FAT3: variants seen among roughly 807,000 people sequenced by gnomAD.
FAT3 encodes the protein protocadherin Fat 3.
Under a neutral mutation model 310.2 loss-of-function variants are expected in FAT3, and 95 were observed. The observed-to-expected ratio is 0.31, with a 90% CI of 0.26 to 0.36. The LOEUF is 0.36. FAT3 is among the 10% of genes least tolerant of loss of function. The pLI is 1.00. For synonymous variants in FAT3, 2,314 were observed against 2,192.9 expected (o/e 1.06, Z -1.54); for missense variants, 5,408 against 5,715.6 (o/e 0.95, Z 1.74).
intron 2 of FAT3, among the ~76,000 whole-genome samples, chr11:92,410,152 T>C (rs1475670558): frequency 6.6e-6 from 1 of 151,778 alleles, no homozygotes; most frequent in Non-Finnish European, 1.5e-5. Context: ...TGGTTGGTGA[T>C]TTTTTTTTAA....
intron 1 of FAT3, among the ~76,000 whole-genome samples, chr11:92,305,831 T>A (rs1947103266): frequency 6.6e-6 from 1 of 152,112 alleles, no homozygotes; most frequent in Admixed American, 6.6e-5. Flanking sequence ...TTAGTAGAAA[T>A]GGCATCTAAA....
At chr11:92,485,489 G>T (rs1441897565) in intron 2 of FAT3, among the ~76,000 whole-genome samples, 1 of 151,092 alleles carries the variant, frequency 6.6e-6, no homozygotes, top group African/African-American at 2.4e-5. Context: ...TAATTGGACT[G>T]CATATTGATA....
intron 1 of FAT3, among the ~76,000 whole-genome samples, chr11:92,323,971 G>A (rs777447980): frequency 1.3e-5 from 2 of 152,178 alleles, no homozygotes; most frequent in Non-Finnish European, 2.9e-5. Flanking sequence ...TATAGAGATG[G>A]CTTCTTTTCC....
intron 17 of FAT3, among the ~76,000 whole-genome samples, chr11:92,840,263 G>A (rs1196915396): frequency 2.0e-5 from 3 of 152,202 alleles, no homozygotes; most frequent in Non-Finnish European, 4.4e-5. Context: ...CCAGCACCAT[G>A]CTCGGAACCT....
chr11:92,648,811 A>G (rs1942260445), intron 3 of FAT3, among the ~76,000 whole-genome samples: 2 of 152,206 alleles, frequency 1.3e-5, no homozygotes, highest in Admixed American at 1.3e-4. Flanking sequence ...GGTGCCAGGC[A>G]TGAAGATCCA....
intron 23 of FAT3, among the ~76,000 whole-genome samples, chr11:92,882,359 T>G (rs1188608340): frequency 6.6e-6 from 1 of 152,156 alleles, no homozygotes; most frequent in East Asian, 1.9e-4. Context: ...AATTTTAAAT[T>G]CTGAGATGCA....
chr11:92,430,379 C>A (rs963650244), intron 2 of FAT3, among the ~76,000 whole-genome samples: 1 of 152,092 alleles, frequency 6.6e-6, no homozygotes, highest in South Asian at 2.1e-4. Flanking sequence ...CCCTTGCTGG[C>A]GAGGAGTTGT....
chr11:92,281,129 A>T (rs188331018), intron 1 of FAT3, among the ~76,000 whole-genome samples: 22 of 152,248 alleles, frequency 1.4e-4, no homozygotes, highest in African/African-American at 4.3e-4. Flanking sequence ...ATTGTCAAAA[A>T]TTTTTTGATA....
At chr11:92,474,114 C>T (rs140987347) in intron 2 of FAT3, among the ~76,000 whole-genome samples, 1 of 152,276 alleles carries the variant, frequency 6.6e-6, no homozygotes, top group African/African-American at 2.4e-5. Flanking sequence ...TTCCCTTGCA[C>T]TGCTCCAACA....
intron 1 of FAT3, among the ~76,000 whole-genome samples, chr11:92,268,727 A>G (rs111890165): frequency 5.5e-4 from 83 of 152,254 alleles, no homozygotes; most frequent in Non-Finnish European, 1.1e-3. Flanking sequence ...CCAGGCATTC[A>G]TGGAGATTGA....
chr11:92,506,784 A>G (rs1048493544), intron 2 of FAT3, among the ~76,000 whole-genome samples: 10 of 152,160 alleles, frequency 6.6e-5, no homozygotes, highest in Non-Finnish European at 5.9e-5. Context: ...GCAAATCTCA[A>G]TAATTTGTTC....
intron 9 of FAT3, among the ~76,000 whole-genome samples, chr11:92,796,622 A>T (rs1022450405): frequency 6.6e-6 from 1 of 152,184 alleles, no homozygotes; most frequent in Non-Finnish European, 1.5e-5. Context: ...AATAACCAAG[A>T]TCTTTAACTT....
At chr11:92,447,109 T>G (rs561132580) in intron 2 of FAT3, among the ~76,000 whole-genome samples, 2 of 151,918 alleles carry the variant, frequency 1.3e-5, no homozygotes, top group African/African-American at 4.8e-5. Flanking sequence ...TAATTGTTAT[T>G]AAATATCCTC....
intron 2 of FAT3, among the ~76,000 whole-genome samples, chr11:92,497,972 C>A (rs1386524700): frequency 6.6e-6 from 1 of 151,976 alleles, no homozygotes; most frequent in Non-Finnish European, 1.5e-5. Flanking sequence ...CTTTGTTGTT[C>A]CAAATTCACA....
chr11:92,803,128 G>GAA (rs11420322), intron 10 of FAT3, among the ~76,000 whole-genome samples: 30 of 150,690 alleles, frequency 2.0e-4, no homozygotes, highest in Non-Finnish European at 3.0e-4. Context: ...TTATTTTCAG[G>GAA]AAAAAAAAAG....
intron 1 of FAT3, among the ~76,000 whole-genome samples, chr11:92,324,694 A>G (rs182537979): frequency 3.9e-5 from 6 of 152,346 alleles, no homozygotes; most frequent in South Asian, 2.1e-4. Context: ...TGTTGGAAAA[A>G]TGGCGCCGAT....
Position 92,746,129 on chromosome 11 carries a change from G to C in FAT3, c.3670-15727G>C, listed in dbSNP as rs114699565. 9.3e-3 allele frequency among the ~76,000 whole-genome samples: 1,413 copies of C among 152,316 alleles called. 22 individuals carry two copies. Among genetic ancestry groups the C allele is most frequent in the African/African-American group, 0.031 (1,304 of 41,576 alleles). ...AAAAGCACAACTTTTTAGGCAAAAT[G>C]TAAGTTATTAAAGGCAGTTCAGAGA... On this transcript the variant is annotated intron_variant, in intron 4 of 27. Transcript: ENST00000525166.
At chr11:92,790,971 G>A (rs1947026700) in intron 8 of FAT3, among the ~76,000 whole-genome samples, 3 of 152,156 alleles carry the variant, frequency 2.0e-5, no homozygotes, top group Non-Finnish European at 2.9e-5. Flanking sequence ...TAGAAGGACA[G>A]ACTTAATCTT....
At chr11:92,865,051 G>A (rs1949204875) in intron 21 of FAT3, among the ~76,000 whole-genome samples, 1 of 152,056 alleles carries the variant, frequency 6.6e-6, no homozygotes, top group South Asian at 2.1e-4. Flanking sequence ...TTCTCTCCAG[G>A]GTACCTGAGT....
Sources: allele counts gnomAD v4.1 joint callset (sites outside exome capture counted in the v4.1 genomes callset), GRCh38; gene constraint gnomAD v4.1.1; transcripts MANE v1.5; gene names NCBI Gene and HGNC (gene_info 2026-07-23, HGNC 2026-07-21).